Variants in RBL2 observed in about 807,000 individuals in gnomAD.
The protein encoded by RBL2 is retinoblastoma-like protein 2.
Under a neutral mutation model 126.0 loss-of-function variants are expected in RBL2, and 56 were observed. That is an observed-to-expected ratio of 0.44 (90% confidence interval 0.36 to 0.56). RBL2 has a LOEUF of 0.56. Among genes scored for constraint, RBL2 ranks in the 20% least tolerant of loss-of-function variants. The pLI, the probability that RBL2 is intolerant of heterozygous loss-of-function variation, is 0.00. For synonymous variants in RBL2, 454 were observed against 478.5 expected (o/e 0.95, Z 0.67); for missense variants, 1,229 against 1,398.2 (o/e 0.88, Z 1.93).
At chr16:53,481,529 T>C in intron 20 of RBL2, 142 bp from the exon 21 acceptor site, 1 of 752,016 alleles carries the variant, frequency 1.3e-6, no homozygotes, top group South Asian at 2.4e-5. Flanking sequence ...AATATTTTTC[T>C]TTAGGTTAAG....
chr16:53,491,231 A>G lies in RBL2; in HGVS notation c.*931A>G, dbSNP rs1961428211. On this transcript the variant is annotated 3_prime_UTR_variant, in exon 22 of 22. Coordinates refer to ENST00000262133, the MANE Select transcript of RBL2 (RefSeq NM_005611.4). The stretch of plus-strand genomic sequence containing the variant: ...CTTATGACCTCTTCCTTTAGGAGGG[A>G]GTTATCTAAAAGAAATGTCTATTAA... The G allele has an allele frequency of 6.6e-6, 1 of 152,192 alleles. No individual in the cohort carries two copies. Among genetic ancestry groups the G allele is most frequent in the Non-Finnish European group, 1.5e-5 (1 of 68,028 alleles). The allele number at this position is 152,192 out of a possible 1,614,324, so 9.4% of individuals were successfully genotyped here. A position where few individuals can be genotyped will look rare whatever the true frequency, so the allele number is the denominator to read the frequency against.
At chr16:53,463,315 C>T (rs896796246) in intron 11 of RBL2, among the ~76,000 whole-genome samples, 4 of 152,070 alleles carry the variant, frequency 2.6e-5, no homozygotes, top group African/African-American at 4.8e-5. Flanking sequence ...ACCTGCCTGC[C>T]TGCCTTTCTG....
In RBL2 at chr16:53,445,394, C is replaced by T. The variant is rs560614320; in HGVS notation, c.573-1648C>T. On this transcript the variant is annotated intron_variant, in intron 3 of 21. Transcript: ENST00000262133. ...ACATTTTAATCACTTTGTATACTTT[C>T]TGTTAGCTCTTTCTGTTAACTATAG... Among the ~76,000 whole-genome samples, 4 of 151,396 alleles carry T rather than the reference C, an allele frequency of 2.6e-5. No homozygotes were observed. The East Asian group carries it at 7.8e-4, about 29-fold the overall frequency.
intron 13 of RBL2, chr16:53,465,929 C>T (rs1390008166): frequency 4.7e-5 from 8 of 171,422 alleles, no homozygotes; most frequent in Non-Finnish European, 8.6e-5. Context: ...TAGAGATCCT[C>T]GCCACCTCCC....
intron 1 of RBL2, among the ~76,000 whole-genome samples, chr16:53,438,712 C>T (rs779824745): frequency 1.6e-4 from 25 of 151,812 alleles, no homozygotes; most frequent in Admixed American, 4.6e-4. Flanking sequence ...GGTATGGTGG[C>T]GCACTTCTGT....
At chr16:53,471,025 C>G in intron 17 of RBL2, 103 bp downstream of exon 17, 1 of 1,251,002 alleles carries the variant, frequency 8.0e-7, no homozygotes, top group Admixed American at 2.4e-5. Context: ...TATAATTCAC[C>G]TATTTAAAAT....
intron 2 of RBL2, among the ~76,000 whole-genome samples, chr16:53,440,679 A>T (rs1391259166): frequency 6.6e-6 from 1 of 151,988 alleles, no homozygotes; most frequent in Non-Finnish European, 1.5e-5. Context: ...GTGGCCTCCC[A>T]AGTAGCTGGG....
At chr16:53,437,741 C>CAATA (rs371117486) in intron 1 of RBL2, among the ~76,000 whole-genome samples, 10 of 151,708 alleles carry the variant, frequency 6.6e-5, no homozygotes, top group African/African-American at 1.9e-4. Context: ...AAAATATAAA[C>CAATA]AATAGGCCAG....
rs1960918495 is a variant in RBL2, at chr16:53,480,863, T to C, written c.3084+94T>C. The C allele has an allele frequency of 5.4e-6, 7 of 1,297,708 alleles. No individual in the cohort carries two copies. In the Admixed American group the frequency reaches 1.2e-4, roughly 22 times the overall value. The allele number at this position is 1,297,708 out of a possible 1,614,324, so 80.4% of individuals were successfully genotyped here. A position where few individuals can be genotyped will look rare whatever the true frequency, so the allele number is the denominator to read the frequency against. On this transcript the variant is annotated intron_variant, in intron 20 of 21. Coordinates refer to ENST00000262133, the MANE Select transcript of RBL2 (RefSeq NM_005611.4). ...ATATGGACCATTCACCTGGTCCGTA[T>C]ATAAACTAGTTTTGGCCAGGTGTGG...
chr16:53,484,054 T>C (rs1052014643), intron 21 of RBL2, among the ~76,000 whole-genome samples: 1 of 152,100 alleles, frequency 6.6e-6, no homozygotes, highest in Non-Finnish European at 1.5e-5. Flanking sequence ...TTAAAAGATA[T>C]ACTTTCTCTG....
At chr16:53,445,529 T>C (rs2058054162) in intron 3 of RBL2, among the ~76,000 whole-genome samples, 1 of 152,122 alleles carries the variant, frequency 6.6e-6, no homozygotes, top group South Asian at 2.1e-4. Flanking sequence ...ACTCATACTA[T>C]TGTTAGATAG....
chr16:53,486,022 G>A (rs1195031717), intron 21 of RBL2, among the ~76,000 whole-genome samples: 3 of 151,928 alleles, frequency 2.0e-5, no homozygotes, highest in African/African-American at 2.4e-5. Context: ...CAGATGTCGT[G>A]GCTCATGCCT....
At chr16:53,470,240 G>C (rs1027022345) in intron 15 of RBL2, 55 bp downstream of exon 15, 2 of 1,564,982 alleles carry the variant, frequency 1.3e-6, no homozygotes, top group Admixed American at 3.5e-5. Context: ...GTATTGAAAA[G>C]TTACCCGAGG....
intron 9 of RBL2, among the ~76,000 whole-genome samples, chr16:53,460,032 C>T (rs185485817): frequency 2.0e-5 from 3 of 152,186 alleles, no homozygotes; most frequent in Admixed American, 2.0e-4. Context: ...AATAGAGTTC[C>T]ACATGTTCAT....
intron 4 of RBL2, among the ~76,000 whole-genome samples, chr16:53,447,680 T>G (rs948107165): frequency 3.3e-5 from 5 of 152,220 alleles, no homozygotes; most frequent in Non-Finnish European, 7.3e-5. Context: ...AATCTCATTC[T>G]GTCTCCCAGG....
chr16:53,435,554 G>A, intron 1 of RBL2: 1 of 1,205,408 alleles, frequency 8.3e-7, no homozygotes, highest in Non-Finnish European at 1.1e-6. Context: ...TCTAGCCAGT[G>A]AGTGTCAGCT....
Position 53,490,858 on chromosome 16 carries a change from CA to C in RBL2, c.*559del, listed in dbSNP as rs1961397760. 6.6e-6 allele frequency: 1 copy of C among 152,622 alleles called. No individual in the cohort carries two copies. The highest frequency in any genetic ancestry group is 1.5e-5 in the Non-Finnish European group (1 of 68,054). 9.5% of individuals were successfully genotyped at this position (152,622 alleles called of 1,614,324 possible). The stretch of plus-strand genomic sequence containing the variant: ...CCTTTGTGCACATCTTCCCTCTCCC[CA>C]TTCGGTGTGGTGCAGTGTGAAAAGT... On this transcript the variant is annotated 3_prime_UTR_variant, in exon 22 of 22. Coordinates refer to ENST00000262133, the MANE Select transcript of RBL2 (RefSeq NM_005611.4).
At position 53,459,541 on chromosome 16, in the gene RBL2, C is replaced by G; in HGVS notation, c.1270C>G (p.His424Asp). ...PCVTPVSTATHSLSRLHTMLT... is the reference protein window; with the variant it reads ...PCVTPVSTATDSLSRLHTMLT... ...TGTGACTCCAGTTTCTACAGCTACG[C>G]ATAGCTTGAGTCGTCTTCACACCAT... The change falls in exon 9 of 22, where the codon CAT becomes GAT. Residue 424 changes from histidine to aspartate, a missense_variant. Physicochemically the swap from His to Asp is moderately conservative, Grantham distance 81 (BLOSUM62 -1). This residue lies in a region of RBL2 where 1,070 missense variants were observed against 1,274.3 expected (regional missense o/e 0.84). Transcript: ENST00000262133. The G allele has an allele frequency of 4.3e-6, 7 of 1,610,624 alleles. No homozygotes were observed. The highest frequency in any genetic ancestry group is 5.9e-6 in the Non-Finnish European group (7 of 1,178,978).
At chr16:53,449,995 C>A (rs2058099842) in intron 4 of RBL2, among the ~76,000 whole-genome samples, 1 of 134,452 alleles carries the variant, frequency 7.4e-6, no homozygotes, top group South Asian at 2.4e-4. Context: ...ATGGCAAGTG[C>A]ACACCAGTAA....
Sources: allele counts gnomAD v4.1 joint callset (sites outside exome capture counted in the v4.1 genomes callset), GRCh38; gene constraint gnomAD v4.1.1; regional missense constraint gnomAD v4.1.1; transcripts MANE v1.5; gene names NCBI Gene and HGNC (gene_info 2026-07-23, HGNC 2026-07-21).